The following DDX60 variants were observed in gnomAD, a reference collection of about 807,000 sequenced individuals.
DDX60 encodes the protein probable ATP-dependent RNA helicase DDX60.
A neutral mutation model predicts 212.8 loss-of-function variants in DDX60; 165 were observed. That is an observed-to-expected ratio of 0.78 (90% CI 0.68 to 0.88). The LOEUF (loss-of-function observed/expected upper bound fraction) is 0.88, where lower values mean the gene tolerates loss of function less well. DDX60 is among the 40% of genes least tolerant of loss of function. The pLI is 0.00. For missense variants in DDX60, 1,905 were observed against 2,003.9 expected, an observed-to-expected ratio of 0.95 and a Z score of 0.94; for synonymous variants, 703 against 685.3, an observed-to-expected ratio of 1.03 and a Z score of -0.40.
chr4:168,320,240 T>G (rs1350442727), upstream of DDX60, among the ~76,000 whole-genome samples: 1 of 152,152 alleles, frequency 6.6e-6, no homozygotes, highest in Non-Finnish European at 1.5e-5. Context: ...AATAAGAATC[T>G]TTAGAAGAGG....
At chr4:168,240,136 T>C (rs1262983135) in intron 30 of DDX60, among the ~76,000 whole-genome samples, 3 of 152,008 alleles carry the variant, frequency 2.0e-5, no homozygotes, top group Admixed American at 6.6e-5. Flanking sequence ...GCATACAAAA[T>C]CAATGTGCAA....
Position 168,287,118 on chromosome 4 carries a change from C to A in DDX60, c.1269G>T (p.Glu423Asp), listed in dbSNP as rs1426798365. Residue 423 changes from glutamate (E) to aspartate (D), a missense_variant, in exon 10 of 38, where the codon GAG (glutamate) becomes GAT (aspartate). Physicochemically the swap from Glu to Asp is conservative, Grantham distance 45. Coordinates refer to ENST00000393743, the MANE Select transcript of DDX60 (RefSeq NM_017631.6). ...NTVSKLVRDFEVGQPFPLRTT... is the reference protein window; with the variant it reads ...NTVSKLVRDFDVGQPFPLRTT... Reference sequence around the variant, plus strand: ...TTCTCAGAGGAAATGGCTGTCCAACCTCAAAGTCTCTGACCAACTTTGATA... The same window carrying A: ...TTCTCAGAGGAAATGGCTGTCCAACATCAAAGTCTCTGACCAACTTTGATA... 1 of 1,612,562 alleles carries A rather than the reference C, an allele frequency of 6.2e-7. No individual in the cohort carries two copies. The highest frequency in any genetic ancestry group is 1.1e-5 in the South Asian group (1 of 90,832).
chr4:168,285,583 A>G, intron 10 of DDX60, 85 bp from the exon 11 acceptor site: 2 of 786,868 alleles, frequency 2.5e-6, no homozygotes, highest in Non-Finnish European at 4.0e-6. Context: ...CTAAAACTTC[A>G]TATTAAAAAC....
At chr4:168,297,293 G>A (rs1377107128) in intron 6 of DDX60, among the ~76,000 whole-genome samples, 6 of 112,188 alleles carry the variant, frequency 5.3e-5, no homozygotes, top group African/African-American at 2.6e-4. Flanking sequence ...AAGAGAGAGA[G>A]AGACGAAAGA....
In DDX60 at chr4:168,300,111, A is replaced by T. The variant is rs1213599723; in HGVS notation, c.723+2189T>A. ...AATAAACTATGACTAAGTTGGATTTATTCCAGTAATATAGAGTTGCTTCAA... is the reference window on the plus strand; with the variant it reads ...AATAAACTATGACTAAGTTGGATTTTTTCCAGTAATATAGAGTTGCTTCAA... On this transcript the variant is annotated intron_variant, in intron 6 of 37. Coordinates refer to ENST00000393743, the MANE Select transcript of DDX60 (RefSeq NM_017631.6). Among the ~76,000 whole-genome samples the T allele has an allele frequency of 5.3e-5, 8 of 151,962 alleles. 1 individual carries two copies. Among genetic ancestry groups the T allele is most frequent in the Admixed American group, 3.9e-4 (6 of 15,238 alleles).
At chr4:168,223,068 T>C (rs1733119434) in intron 35 of DDX60, among the ~76,000 whole-genome samples, 1 of 151,952 alleles carries the variant, frequency 6.6e-6, no homozygotes, top group African/African-American at 2.4e-5. Context: ...CAAATTAATA[T>C]AAAAAGGGAT....
At chr4:168,274,356 C>T (rs552487129) in intron 16 of DDX60, among the ~76,000 whole-genome samples, 15 of 152,142 alleles carry the variant, frequency 9.9e-5, no homozygotes, top group South Asian at 6.2e-4. Flanking sequence ...TTACTAAGTG[C>T]GGTTGAGAAA....
At chr4:168,294,345 T>G (rs1160951221) in intron 6 of DDX60, among the ~76,000 whole-genome samples, 1 of 152,022 alleles carries the variant, frequency 6.6e-6, no homozygotes, top group African/African-American at 2.4e-5. Context: ...ACAACATTGG[T>G]CTGGGCAATG....
chr4:168,293,142 T>C (rs1482260867), intron 7 of DDX60, among the ~76,000 whole-genome samples: 1 of 152,130 alleles, frequency 6.6e-6, no homozygotes, highest in African/African-American at 2.4e-5. Flanking sequence ...CATAAGCACA[T>C]ATACTTAGAG....
At chr4:168,275,959 C>T in intron 15 of DDX60, 56 bp downstream of exon 15, 2 of 1,395,128 alleles carry the variant, frequency 1.4e-6, no homozygotes, top group Non-Finnish European at 1.9e-6. Flanking sequence ...TTGCAAAACA[C>T]TTTATGTATA....
intron 17 of DDX60, among the ~76,000 whole-genome samples, 180 bp downstream of exon 17, chr4:168,273,754 T>C (rs565297651): frequency 3.1e-4 from 46 of 150,486 alleles, no homozygotes; most frequent in African/African-American, 1.0e-3. Context: ...TATGTACATG[T>C]TTGTGTGTGT....
chr4:168,275,320 AT>A, intron 16 of DDX60, 24 bp downstream of exon 16: 1 of 1,571,242 alleles, frequency 6.4e-7, no homozygotes, highest in Non-Finnish European at 8.6e-7. Flanking sequence ...AAATACAGTA[AT>A]TTTTGTTTCA....
At chr4:168,288,516 A>G (rs1560861704) in intron 8 of DDX60, among the ~76,000 whole-genome samples, 1 of 152,172 alleles carries the variant, frequency 6.6e-6, no homozygotes. Flanking sequence ...CTGATCCAAA[A>G]ATGCATTCTG....
At chr4:168,255,228 AT>A (rs1363334341) in intron 26 of DDX60, among the ~76,000 whole-genome samples, 3 of 152,200 alleles carry the variant, frequency 2.0e-5, no homozygotes, top group Admixed American at 6.5e-5. Context: ...GAGATGTTAT[AT>A]TAGCTAAGTC....
At position 168,249,719 on chromosome 4, in the gene DDX60, A is replaced by G. The variant is rs138323719; in HGVS notation, c.3858+1235T>C. 8.7e-3 allele frequency among the ~76,000 whole-genome samples: 1,328 copies of G among 152,314 alleles called. 28 individuals are homozygous for G. The highest frequency in any genetic ancestry group is 0.03 in the African/African-American group (1,260 of 41,576). ...TTCTATCAATTCATAAGCATGTAGA[A>G]AATATTGTACGTGGTTATTAGCCTT... is the stretch of plus-strand genomic sequence containing the variant. On this transcript the variant is annotated intron_variant, in intron 28 of 37. Coordinates refer to ENST00000393743, the MANE Select transcript of DDX60 (RefSeq NM_017631.6).
intron 13 of DDX60, among the ~76,000 whole-genome samples, chr4:168,281,017 G>A (rs959189148): frequency 6.6e-6 from 1 of 152,110 alleles, no homozygotes; most frequent in Admixed American, 6.5e-5. Flanking sequence ...GCACGCTCCT[G>A]TAGTCCCAGC....
intron 28 of DDX60, among the ~76,000 whole-genome samples, chr4:168,248,646 C>A (rs73866515): frequency 0.027 from 4,159 of 152,274 alleles, 200 homozygotes; most frequent in African/African-American, 0.094. Flanking sequence ...GCATTAATGA[C>A]TACCTCAATA....
chr4:168,300,080 A>G (rs1736581140), intron 6 of DDX60, among the ~76,000 whole-genome samples: 1 of 152,232 alleles, frequency 6.6e-6, no homozygotes, highest in South Asian at 2.1e-4. Flanking sequence ...CACCATATTA[A>G]GAAGTAATAA....
chr4:168,229,283 T>C (rs1273617283), intron 33 of DDX60, among the ~76,000 whole-genome samples: 1 of 152,076 alleles, frequency 6.6e-6, no homozygotes, highest in Non-Finnish European at 1.5e-5. Flanking sequence ...GGATCTGGAA[T>C]TGAGACAAAT....
Sources: gnomAD v4.1 joint callset for allele counts (sites outside exome capture counted in the v4.1 genomes callset) on GRCh38, gnomAD v4.1.1 for gene constraint, MANE v1.5 for transcripts, NCBI Gene and HGNC (gene_info 2026-07-23, HGNC 2026-07-21) for gene names.